Variants in CLEC1A observed in about 807,000 individuals in gnomAD.
CLEC1A encodes the protein C-type lectin-like receptor-1.
In CLEC1A, 34 loss-of-function variants were observed where a neutral mutation model predicts 28.7. That is an observed-to-expected ratio of 1.18 (90% CI 0.90 to 1.57). The LOEUF is 1.57. CLEC1A is among the 40% of genes most tolerant of loss of function. CLEC1A has a pLI of 0.00. For missense variants in CLEC1A, 385 were observed against 339.5 expected, an observed-to-expected ratio of 1.13 and a Z score of -1.05; for synonymous variants, 116 against 121.0, an observed-to-expected ratio of 0.96 and a Z score of 0.27.
intron 1 of CLEC1A, 95 bp downstream of exon 1, chr12:10,098,713 G>A: frequency 1.4e-6 from 1 of 737,464 alleles, no homozygotes; most frequent in African/African-American, 1.8e-5. Context: ...AAAATTATAA[G>A]ATGCAAGCTA....
intron 1 of CLEC1A, among the ~76,000 whole-genome samples, chr12:10,090,727 G>A (rs1243272949): frequency 1.3e-5 from 2 of 152,022 alleles, no homozygotes; most frequent in Admixed American, 1.3e-4. Flanking sequence ...ATTTTTAAAT[G>A]TGAATCTTAT....
rs773834664 is a variant in CLEC1A, at chr12:10,073,288, C to A, written c.662+5G>T. 36 of 1,595,050 alleles carry A rather than the reference C, an allele frequency of 2.3e-5. No homozygotes were observed. The highest frequency in any genetic ancestry group is 2.9e-5 in the Non-Finnish European group (34 of 1,163,424). ...CCTTTCCCATAAAATATCCTGAAGG[C>A]TTACAGTTCAGAAGTGAAAGGGGTT... On this transcript the variant is annotated splice_donor_5th_base_variant and intron_variant, in intron 5 of 5. Transcript: ENST00000315330.
intron 3 of CLEC1A, among the ~76,000 whole-genome samples, chr12:10,080,095 G>A (rs1304798254): frequency 1.3e-5 from 2 of 152,064 alleles, no homozygotes; most frequent in African/African-American, 4.8e-5. Context: ...GAACACCTGA[G>A]GTTGGGAGTT....
chr12:10,093,655 T>C (rs1591922582), intron 1 of CLEC1A, among the ~76,000 whole-genome samples: 2 of 152,046 alleles, frequency 1.3e-5, no homozygotes, highest in Non-Finnish European at 1.5e-5. Flanking sequence ...AGAGTTTAAA[T>C]AATGTGCATG....
chr12:10,083,618 G>C (rs1296404324), intron 2 of CLEC1A, among the ~76,000 whole-genome samples: 2 of 152,046 alleles, frequency 1.3e-5, no homozygotes, highest in Admixed American at 6.6e-5. Context: ...GATTACAGGT[G>C]CCCACCACCA....
chr12:10,090,653 T>A (rs1866600529), intron 1 of CLEC1A, among the ~76,000 whole-genome samples: 1 of 151,954 alleles, frequency 6.6e-6, no homozygotes, highest in East Asian at 1.9e-4. Flanking sequence ...ATAATTACTA[T>A]CCTCTGGAAC....
chr12:10,093,496 A>G (rs1947735168), intron 1 of CLEC1A, among the ~76,000 whole-genome samples: 1 of 151,466 alleles, frequency 6.6e-6, no homozygotes, highest in Non-Finnish European at 1.5e-5. Context: ...GTGGGTGGAG[A>G]GTTGTCAGAC....
At chr12:10,073,166 G>A in intron 5 of CLEC1A, 127 bp downstream of exon 5, 1 of 679,146 alleles carries the variant, frequency 1.5e-6, no homozygotes, top group Non-Finnish European at 2.6e-6. Context: ...GCATCCTCCT[G>A]CAAACACAGT....
At chr12:10,077,755 G>A (rs553060101) in intron 3 of CLEC1A, among the ~76,000 whole-genome samples, 7 of 151,906 alleles carry the variant, frequency 4.6e-5, no homozygotes, top group African/African-American at 1.7e-4. Context: ...AAGGCTAATC[G>A]TCTTTTTTTT....
chr12:10,077,852 C>T (rs2137337122), intron 3 of CLEC1A, among the ~76,000 whole-genome samples: 1 of 152,130 alleles, frequency 6.6e-6, no homozygotes, highest in African/African-American at 2.4e-5. Flanking sequence ...GTGTCTGGCC[C>T]AGAATTTTCC....
intron 2 of CLEC1A, among the ~76,000 whole-genome samples, chr12:10,085,536 TAAAA>T (rs71049044): frequency 0.73 from 94,510 of 128,734 alleles, 35,088 homozygotes; most frequent in Non-Finnish European, 0.86. Context: ...GCAAAAACAG[TAAAA>T]AAAAAAAAAA....
chr12:10,081,528 C>T, intron 2 of CLEC1A, 115 bp from the exon 3 acceptor site: 1 of 671,298 alleles, frequency 1.5e-6, no homozygotes, highest in South Asian at 2.3e-5. Context: ...TCTGAGTTCT[C>T]ATATTGCCTA....
chr12:10,072,880 A>G (rs757160742), intron 5 of CLEC1A, among the ~76,000 whole-genome samples: 18 of 152,148 alleles, frequency 1.2e-4, no homozygotes, highest in Admixed American at 2.6e-4. Flanking sequence ...GGAGTTCTAA[A>G]CAAGACTGGG....
At position 10,071,514 on chromosome 12, in the gene CLEC1A, CT is replaced by C. The variant is rs760254855; in HGVS notation, c.663-2del. On this transcript the variant is annotated splice_acceptor_variant, in intron 5 of 5. Coordinates refer to ENST00000315330, the MANE Select transcript of CLEC1A (RefSeq NM_016511.4). LOFTEE classifies it high-confidence loss of function. The stretch of plus-strand genomic sequence containing the variant: ...GGTGACATCTATTATAATATGGAAC[CT>C]TAAGAAAGGAAGAAAAAGTAAATTC... The C allele has an allele frequency of 5.7e-6, 9 of 1,573,662 alleles. No homozygotes were observed. The Admixed American group carries it at 1.7e-4, about 30-fold the overall frequency.
In CLEC1A at chr12:10,075,616, T is replaced by C; in HGVS notation, c.431A>G (p.His144Arg). 6.2e-7 allele frequency: 1 copy of C among 1,614,114 alleles called. No individual in the cohort carries two copies. The change falls in exon 4 of 6, where the codon CAT becomes CGT. Residue 144 changes from histidine to arginine, a missense_variant. Coordinates refer to ENST00000315330, the MANE Select transcript of CLEC1A (RefSeq NM_016511.4). ...ATAGAACTGGTAGCAATTGTCTCCA[T>C]GCCATTTCCATTGTTCTGTACAAGG... ...CSPCTEQWKW[H>R]GDNCYQFYKD...
At chr12:10,076,156 T>C (rs949748718) in intron 3 of CLEC1A, among the ~76,000 whole-genome samples, 1 of 152,188 alleles carries the variant, frequency 6.6e-6, no homozygotes, top group African/African-American at 2.4e-5. Flanking sequence ...ATGCTGAATC[T>C]CCATGTGTCA....
chr12:10,085,570 A>T (rs1331026800), intron 2 of CLEC1A, among the ~76,000 whole-genome samples: 1 of 151,614 alleles, frequency 6.6e-6, no homozygotes, highest in Non-Finnish European at 1.5e-5. Flanking sequence ...AAAGACGGAC[A>T]TTATAGACAT....
intron 3 of CLEC1A, among the ~76,000 whole-genome samples, chr12:10,080,373 GGTCATTA>G (rs1866343292): frequency 6.6e-6 from 1 of 152,048 alleles, no homozygotes; most frequent in Non-Finnish European, 1.5e-5. Flanking sequence ...TGACCATTGA[GGTCATTA>G]GTTATGTAGG....
At chr12:10,076,752 T>C (rs895271380) in intron 3 of CLEC1A, among the ~76,000 whole-genome samples, 6 of 152,204 alleles carry the variant, frequency 3.9e-5, no homozygotes, top group African/African-American at 9.6e-5. Context: ...CAGAGACTTA[T>C]GCATAAAAAG....
Sources: gnomAD v4.1 joint callset for allele counts (sites outside exome capture counted in the v4.1 genomes callset) on GRCh38, gnomAD v4.1.1 for gene constraint, MANE v1.5 for transcripts, NCBI Gene and HGNC (gene_info 2026-07-23, HGNC 2026-07-21) for gene names.